The following MYO1D variants were observed in gnomAD, a reference collection of about 807,000 sequenced individuals.
MYO1D encodes the protein myosin ID, also known as unconventional myosin-Id.
A neutral mutation model predicts 122.0 loss-of-function variants in MYO1D; 83 were observed. The ratio of observed to expected loss-of-function variants is 0.68; its 90% CI spans 0.57 to 0.82. The LOEUF is 0.82. Among genes scored for constraint, MYO1D ranks in the 40% least tolerant of loss-of-function variants. The pLI is 0.00. For missense variants in MYO1D, 1,157 were observed against 1,269.5 expected (o/e 0.91, Z 1.35); for synonymous variants, 464 against 446.9 (o/e 1.04, Z -0.48).
chr17:32,625,625 C>T (rs2087918083), intron 20 of MYO1D, among the ~76,000 whole-genome samples: 2 of 151,998 alleles, frequency 1.3e-5, no homozygotes, highest in Admixed American at 1.3e-4. Flanking sequence ...TCTTAGCTTA[C>T]TGCAACCTCT....
intron 21 of MYO1D, among the ~76,000 whole-genome samples, chr17:32,530,565 C>G (rs1014369660): frequency 9.9e-5 from 15 of 152,154 alleles, no homozygotes; most frequent in Non-Finnish European, 2.2e-4. Flanking sequence ...CTTTGGGAGG[C>G]CGAGGTGGGA....
chr17:32,588,162 A>G (rs951300854), intron 21 of MYO1D, among the ~76,000 whole-genome samples: 1 of 152,230 alleles, frequency 6.6e-6, no homozygotes, highest in African/African-American at 2.4e-5. Flanking sequence ...AGGAAATGCT[A>G]AAATCTGTGG....
At chr17:32,555,508 G>A (rs1331813226) in intron 21 of MYO1D, among the ~76,000 whole-genome samples, 1 of 151,946 alleles carries the variant, frequency 6.6e-6, no homozygotes, top group Admixed American at 6.6e-5. Context: ...TTACTTTGTT[G>A]TCAGAAAAAA....
At chr17:32,572,422 G>A (rs1240600831) in intron 21 of MYO1D, among the ~76,000 whole-genome samples, 4 of 151,768 alleles carry the variant, frequency 2.6e-5, no homozygotes, top group East Asian at 1.9e-4. Context: ...TTTCCCTTTC[G>A]CCCACATAAG....
At chr17:32,631,365 G>A (rs1179914435) in intron 20 of MYO1D, among the ~76,000 whole-genome samples, 7 of 152,212 alleles carry the variant, frequency 4.6e-5, no homozygotes, top group Admixed American at 3.3e-4. Flanking sequence ...TTGGCTAGGT[G>A]TGGTGTGGCT....
intron 21 of MYO1D, among the ~76,000 whole-genome samples, chr17:32,589,320 C>T (rs778867592): frequency 6.6e-6 from 1 of 152,146 alleles, no homozygotes; most frequent in Non-Finnish European, 1.5e-5. Flanking sequence ...CCTTTGGGAA[C>T]GTGTTGAGCC....
At position 32,828,696 on chromosome 17, in the gene MYO1D, T is replaced by C. The variant is rs552426927; in HGVS notation, c.96-47912A>G. On this transcript the variant is annotated intron_variant, in intron 1 of 21. Transcript: ENST00000318217. Reference sequence around the variant, plus strand: ...ATGTAAGCCAGTGGGCAAAATCAATTATTTCATATTATTTAAAGAGGTAAA... The same window carrying C: ...ATGTAAGCCAGTGGGCAAAATCAATCATTTCATATTATTTAAAGAGGTAAA... Among the ~76,000 whole-genome samples, 7 of 152,214 alleles carry C rather than the reference T, an allele frequency of 4.6e-5. No individual in the cohort carries two copies. The East Asian group carries it at 1.3e-3, about 29-fold the overall frequency.
At chr17:32,673,597 A>T (rs562008800) in intron 16 of MYO1D, among the ~76,000 whole-genome samples, 3 of 152,246 alleles carry the variant, frequency 2.0e-5, no homozygotes, top group Non-Finnish European at 4.4e-5. Flanking sequence ...GAAAAATGTA[A>T]TACTTAAAAT....
intron 21 of MYO1D, among the ~76,000 whole-genome samples, chr17:32,517,119 T>C (rs1909919470): frequency 6.6e-6 from 1 of 152,242 alleles, no homozygotes. Flanking sequence ...CCCAACTTTA[T>C]TGGCATGAAA....
At chr17:32,593,690 C>G (rs1411924875) in intron 21 of MYO1D, among the ~76,000 whole-genome samples, 1 of 152,196 alleles carries the variant, frequency 6.6e-6, no homozygotes, top group African/African-American at 2.4e-5. Context: ...GTAATCCCAG[C>G]ACTTTGGGAA....
At chr17:32,689,013 C>G (rs1290835262) in intron 16 of MYO1D, among the ~76,000 whole-genome samples, 1 of 151,774 alleles carries the variant, frequency 6.6e-6, no homozygotes, top group Admixed American at 6.6e-5. Context: ...AATGATATAT[C>G]CCAAAACGTT....
At chr17:32,851,744 CACTCATAAGGAGTGT>C (rs2090991379) in intron 1 of MYO1D, among the ~76,000 whole-genome samples, 1 of 66,832 alleles carries the variant, frequency 1.5e-5, no homozygotes, top group Non-Finnish European at 4.4e-5. Flanking sequence ...AAGGAGTGTG[CACTCATAAGGAGTGT>C]GCACACGCAC....
rs537886852 is a variant in MYO1D, at chr17:32,688,916, T to C, written c.2121+23072A>G. Reference sequence around the variant, plus strand: ...ACAGTGCATATGGTCTCTTTGATTTTTGAAGTGTGTGTGTGTGTGTGTGTG... The same window carrying C: ...ACAGTGCATATGGTCTCTTTGATTTCTGAAGTGTGTGTGTGTGTGTGTGTG... On this transcript the variant is annotated intron_variant, in intron 16 of 21. Coordinates refer to ENST00000318217, the MANE Select transcript of MYO1D (RefSeq NM_015194.3). 5.0e-3 allele frequency among the ~76,000 whole-genome samples: 730 copies of C among 144,866 alleles called. 10 individuals are homozygous for C. The highest frequency in any genetic ancestry group is 0.016 in the African/African-American group (588 of 36,420).
chr17:32,575,389 G>C lies in MYO1D; in HGVS notation c.2864+29698C>G, dbSNP rs562165311. ...TTTCTTTTGCATCCTTTAATTTACT[G>C]ATGAAAATTTTGAAAGAGTAAAATT... On this transcript the variant is annotated intron_variant, in intron 21 of 21. Transcript: ENST00000318217. Among the ~76,000 whole-genome samples the C allele has an allele frequency of 1.1e-4, 16 of 152,300 alleles. No homozygotes were observed. In the South Asian group the frequency reaches 3.3e-3, roughly 32 times the overall value.
Position 32,683,322 on chromosome 17 carries a change from G to A in MYO1D, c.2122-23984C>T, listed in dbSNP as rs1234558470. On this transcript the variant is annotated intron_variant, in intron 16 of 21. Transcript: ENST00000318217. ...TGTGTTCCTTTGGAGGAGGAGAGAC[G>A]CTCTGTGTTTTAGAGTTTCCAGTTT... 1.1e-4 allele frequency among the ~76,000 whole-genome samples: 17 copies of A among 152,282 alleles called. No individual in the cohort carries two copies. The South Asian group carries it at 3.3e-3, about 30-fold the overall frequency.
chr17:32,737,504 G>C (rs2089719278), intron 14 of MYO1D, among the ~76,000 whole-genome samples: 1 of 152,096 alleles, frequency 6.6e-6, no homozygotes, highest in African/African-American at 2.4e-5. Flanking sequence ...GGGACCACAG[G>C]CATGTGCCAC....
At chr17:32,573,396 G>A (rs542586145) in intron 21 of MYO1D, among the ~76,000 whole-genome samples, 1 of 152,134 alleles carries the variant, frequency 6.6e-6, no homozygotes, top group South Asian at 2.1e-4. Flanking sequence ...CTCTTGATTT[G>A]GATCTGCTAC....
intron 16 of MYO1D, among the ~76,000 whole-genome samples, chr17:32,701,806 A>G (rs1445725588): frequency 6.6e-6 from 1 of 152,158 alleles, no homozygotes; most frequent in African/African-American, 2.4e-5. Context: ...GCCTCAAGTA[A>G]TAGTCCAGCT....
intron 7 of MYO1D, among the ~76,000 whole-genome samples, chr17:32,765,695 T>C (rs374088560): frequency 6.6e-6 from 1 of 152,088 alleles, no homozygotes; most frequent in Non-Finnish European, 1.5e-5. Context: ...CCTGACCTCA[T>C]GATCCACCCA....
Sources: gnomAD v4.1 joint callset for allele counts (sites outside exome capture counted in the v4.1 genomes callset) on GRCh38, gnomAD v4.1.1 for gene constraint, MANE v1.5 for transcripts, NCBI Gene and HGNC (gene_info 2026-07-23, HGNC 2026-07-21) for gene names.